IGDCC3: variants seen among roughly 807,000 people sequenced by gnomAD.
IGDCC3 encodes putative neuronal cell adhesion molecule.
IGDCC3 carries 47 observed loss-of-function variants against 72.0 expected under a neutral mutation model. The observed-to-expected ratio is 0.65, with a 90% confidence interval of 0.52 to 0.83. The LOEUF (loss-of-function observed/expected upper bound fraction) is 0.83. IGDCC3 is among the 40% of genes least tolerant of loss of function. IGDCC3 has a pLI of 0.00. For synonymous variants in IGDCC3, 477 were observed against 472.8 expected (o/e 1.01, Z -0.11); for missense variants, 1,038 against 1,091.3 (o/e 0.95, Z 0.69).
At chr15:65,351,795 CTT>C (rs2091175995) in intron 2 of IGDCC3, among the ~76,000 whole-genome samples, 1 of 152,084 alleles carries the variant, frequency 6.6e-6, no homozygotes, top group African/African-American at 2.4e-5. Flanking sequence ...TTTAATATAA[CTT>C]AGTGTATGTT....
In IGDCC3 at chr15:65,329,221, G is replaced by A; in HGVS notation, c.2206-73C>T. ...CCAGGCTCCAACTCACCCCACTTGG[G>A]CCTTAGGGTCTCCAGGTCTCCCTGC... On this transcript the variant is annotated intron_variant, in intron 13 of 13. Coordinates refer to ENST00000327987, the MANE Select transcript of IGDCC3 (RefSeq NM_004884.4). The surrounding 1 kb of genome is among the most constrained non-coding windows in gnomAD (Gnocchi z 4.1). 2 of 1,534,044 alleles carry A rather than the reference G, an allele frequency of 1.3e-6. No individual in the cohort carries two copies. The highest frequency in any genetic ancestry group is 4.2e-5 in the Admixed American group (2 of 47,140).
rs140847375 is a variant in IGDCC3, at chr15:65,329,739, C to T, written c.1984G>A (p.Gly662Ser). The change falls in exon 12 of 14, where the codon GGC becomes AGC. Residue 662 changes from glycine to serine, a missense_variant. Physicochemically the swap from Gly to Ser is moderately conservative, Grantham distance 56. Coordinates refer to ENST00000327987, the MANE Select transcript of IGDCC3 (RefSeq NM_004884.4). This position sits in a 1 kb window ranked among gnomAD's most constrained non-coding sequence, Gnocchi z 4.1. Reference protein sequence around the residue: ...IIFCVLFLLFGQRGRVLLCKD... With the variant: ...IIFCVLFLLFSQRGRVLLCKD... ...CCCAGGACCCACCTGCCCCTTTGGCCGAACAGGAGGAAGAGGACACAGAAG... is the reference window on the plus strand; with the variant it reads ...CCCAGGACCCACCTGCCCCTTTGGCTGAACAGGAGGAAGAGGACACAGAAG... 1.3e-3 allele frequency: 2,147 copies of T among 1,614,018 alleles called. 7 individuals carry two copies. The highest frequency in any genetic ancestry group is 1.7e-3 in the Non-Finnish European group (1,981 of 1,179,988).
chr15:65,342,514 G>A (rs2091091000), intron 2 of IGDCC3, among the ~76,000 whole-genome samples: 1 of 152,170 alleles, frequency 6.6e-6, no homozygotes, highest in Non-Finnish European at 1.5e-5. Context: ...ACCAATAGAA[G>A]AACTTCAGTC....
intron 5 of IGDCC3, 87 bp from the exon 6 acceptor site, chr15:65,333,502 C>G: frequency 7.7e-7 from 1 of 1,298,824 alleles, no homozygotes; most frequent in South Asian, 1.5e-5. Flanking sequence ...ATGGCTTGCC[C>G]TTCCTCCTGT....
intron 2 of IGDCC3, among the ~76,000 whole-genome samples, chr15:65,366,785 C>G (rs2091290358): frequency 6.6e-6 from 1 of 152,224 alleles, no homozygotes; most frequent in Non-Finnish European, 1.5e-5. Context: ...CTTCAGGCCT[C>G]TCTGCTCAGC....
chr15:65,335,562 A>C, intron 3 of IGDCC3, 141 bp from the exon 4 acceptor site: 1 of 962,338 alleles, frequency 1.0e-6, no homozygotes, highest in Non-Finnish European at 1.6e-6. Flanking sequence ...GGGACTTTCA[A>C]AGGTGGACAC....
In IGDCC3 at chr15:65,331,484, C is replaced by T; in HGVS notation, c.1324G>A (p.Val442Met). Residue 442 changes from valine (V) to methionine (M), a missense_variant, in exon 8 of 14, where the codon GTG becomes ATG. Coordinates refer to ENST00000327987, the MANE Select transcript of IGDCC3 (RefSeq NM_004884.4). ...AVSVSSTEVR[V>M]SWSEPLANTK... Reference sequence around the variant, plus strand: ...TTGGCCAGCGGCTCACTCCAGGACACACGCACCTCAGTGGAAGACACAGAG... The same window carrying T: ...TTGGCCAGCGGCTCACTCCAGGACATACGCACCTCAGTGGAAGACACAGAG... 1.9e-6 allele frequency: 3 copies of T among 1,613,768 alleles called. No homozygotes were observed. Among genetic ancestry groups the T allele is most frequent in the Non-Finnish European group, 2.5e-6 (3 of 1,179,990 alleles).
At chr15:65,357,537 A>G (rs1309076777) in intron 2 of IGDCC3, among the ~76,000 whole-genome samples, 2 of 152,202 alleles carry the variant, frequency 1.3e-5, no homozygotes, top group Non-Finnish European at 2.9e-5. Context: ...TTTATTTGAG[A>G]ATAAAATAAA....
At chr15:65,365,873 C>T (rs1400215932) in intron 2 of IGDCC3, among the ~76,000 whole-genome samples, 1 of 152,112 alleles carries the variant, frequency 6.6e-6, no homozygotes, top group Non-Finnish European at 1.5e-5. Flanking sequence ...GAATTTGGAC[C>T]AGCCTTGGCA....
chr15:65,364,621 TCACA>T (rs2091279483), intron 2 of IGDCC3, among the ~76,000 whole-genome samples: 1 of 152,144 alleles, frequency 6.6e-6, no homozygotes, highest in Admixed American at 6.5e-5. Context: ...GGGCAGTGGC[TCACA>T]CCTGTAATCC....
At chr15:65,330,494 G>T in intron 10 of IGDCC3, 56 bp downstream of exon 10, 2 of 1,580,952 alleles carry the variant, frequency 1.3e-6, no homozygotes, top group Admixed American at 1.7e-5. Flanking sequence ...CCACCTCCTG[G>T]CCCTCAGCGC....
At chr15:65,372,975 C>G (rs2091336311) in intron 2 of IGDCC3, among the ~76,000 whole-genome samples, 2 of 152,196 alleles carry the variant, frequency 1.3e-5, no homozygotes, top group Admixed American at 1.3e-4. Context: ...GCAAACCCCC[C>G]AGCTGTCTCC....
At chr15:65,368,498 C>A (rs977700410) in intron 2 of IGDCC3, among the ~76,000 whole-genome samples, 1 of 152,140 alleles carries the variant, frequency 6.6e-6, no homozygotes, top group Admixed American at 6.5e-5. Context: ...CAGAAGCGTT[C>A]GACTTCCACA....
intron 6 of IGDCC3, among the ~76,000 whole-genome samples, chr15:65,332,735 G>A (rs2090988761): frequency 6.6e-6 from 1 of 152,242 alleles, no homozygotes; most frequent in Non-Finnish European, 1.5e-5. Flanking sequence ...CAGTGCATGG[G>A]GACAGTTAAA....
intron 2 of IGDCC3, among the ~76,000 whole-genome samples, chr15:65,342,629 C>T (rs980775004): frequency 2.3e-4 from 35 of 152,032 alleles, no homozygotes; most frequent in African/African-American, 6.5e-4. Context: ...TCTCTCTGGC[C>T]GTCCCTCCAG....
chr15:65,357,564 A>T (rs1399010788), intron 2 of IGDCC3, among the ~76,000 whole-genome samples: 3 of 152,226 alleles, frequency 2.0e-5, no homozygotes, highest in Non-Finnish European at 4.4e-5. Context: ...GGCAACACTT[A>T]TTGAGGGACC....
At chr15:65,354,135 A>T (rs2091195861) in intron 2 of IGDCC3, among the ~76,000 whole-genome samples, 1 of 152,086 alleles carries the variant, frequency 6.6e-6, no homozygotes. Context: ...CGAACTCCTG[A>T]CTTCAGGTGA....
At chr15:65,352,343 A>G (rs1437614214) in intron 2 of IGDCC3, among the ~76,000 whole-genome samples, 2 of 152,262 alleles carry the variant, frequency 1.3e-5, no homozygotes, top group East Asian at 1.9e-4. Flanking sequence ...TTATTTGCAT[A>G]TAAGAGTCTG....
chr15:65,328,831 A>G lies in IGDCC3; in HGVS notation c.*78T>C. Reference sequence around the variant, plus strand: ...GAGCCCCCAGGACCATCCAAATCCCACATGACAGTAGAAATCTTGCTTTTG... The same window carrying G: ...GAGCCCCCAGGACCATCCAAATCCCGCATGACAGTAGAAATCTTGCTTTTG... On this transcript the variant is annotated 3_prime_UTR_variant, in exon 14 of 14. Coordinates refer to ENST00000327987, the MANE Select transcript of IGDCC3 (RefSeq NM_004884.4). 1.4e-6 allele frequency: 2 copies of G among 1,478,540 alleles called. No individual in the cohort carries two copies. Among genetic ancestry groups the G allele is most frequent in the Non-Finnish European group, 1.8e-6 (2 of 1,111,962 alleles). The allele number at this position is 1,478,540 out of a possible 1,614,324, so 91.6% of individuals were successfully genotyped here. A position where few individuals can be genotyped will look rare whatever the true frequency, so the allele number is the denominator to read the frequency against.
Sources: allele counts gnomAD v4.1 joint callset (sites outside exome capture counted in the v4.1 genomes callset), GRCh38; gene constraint gnomAD v4.1.1; non-coding constraint Gnocchi (gnomAD v3.1); transcripts MANE v1.5; gene names NCBI Gene and HGNC (gene_info 2026-07-23, HGNC 2026-07-21).